The following PDE4A variants were observed in gnomAD, a reference collection of about 807,000 sequenced individuals.
The protein encoded by PDE4A is 3',5'-cyclic-AMP phosphodiesterase 4A.
PDE4A carries 21 observed loss-of-function variants against 73.9 expected under a neutral mutation model. The ratio of observed to expected loss-of-function variants is 0.28; its 90% CI spans 0.20 to 0.41. PDE4A has a LOEUF of 0.41. Ranked by LOEUF, PDE4A falls within the 10% of genes least tolerant of loss-of-function variation. The pLI is 1.00. For missense variants in PDE4A, 958 were observed against 1,211.4 expected (o/e 0.79, Z 3.10); for synonymous variants, 463 against 505.4 (o/e 0.92, Z 1.13).
rs200879608 is a variant in PDE4A at position 10,469,628 on chromosome 19, C to T, written c.*2007C>T. On this transcript the variant is annotated 3_prime_UTR_variant, in exon 15 of 15. Transcript: ENST00000380702. ...TCTCCAATTAAACCGAGGCTTTCAC[C>T]GATTTTCCTGGCTGATGTGGCTTCA... is the stretch of plus-strand genomic sequence containing the variant. 1 of 152,418 alleles carries T rather than the reference C, an allele frequency of 6.6e-6. No individual in the cohort carries two copies. Among genetic ancestry groups the T allele is most frequent in the East Asian group, 1.9e-4 (1 of 5,310 alleles). The allele number at this position is 152,418 out of a possible 1,614,324, so 9.4% of individuals were successfully genotyped here.
chr19:10,417,699 C>G, upstream of PDE4A: 1 of 1,595,480 alleles, frequency 6.3e-7, no homozygotes, highest in East Asian at 2.2e-5. Flanking sequence ...TGCCAACATG[C>G]TGGGGGCCGA....
chr19:10,418,114 C>T (rs113029536), upstream of PDE4A, among the ~76,000 whole-genome samples: 155 of 152,308 alleles, frequency 1.0e-3, 1 homozygote, highest in South Asian at 1.9e-3. Context: ...GGTGTCATGT[C>T]TCCAGCCCCC....
chr19:10,455,453 A>G (rs1016664936), intron 7 of PDE4A, among the ~76,000 whole-genome samples: 7 of 144,516 alleles, frequency 4.8e-5, no homozygotes, highest in African/African-American at 1.9e-4. Context: ...AACAAGAGTG[A>G]AACTCTTGTC....
chr19:10,459,822 T>C (rs2043233674), intron 10 of PDE4A, 63 bp downstream of exon 10: 2 of 1,524,164 alleles, frequency 1.3e-6, no homozygotes, highest in South Asian at 1.2e-5. Flanking sequence ...TTCAGCCTCC[T>C]GTGTGTCTCT....
chr19:10,442,419 G>A (rs1260061022), intron 1 of PDE4A, among the ~76,000 whole-genome samples: 1 of 152,136 alleles, frequency 6.6e-6, no homozygotes, highest in Non-Finnish European at 1.5e-5. Flanking sequence ...AGCTATCCGG[G>A]AGGCTGAGGC....
chr19:10,458,034 A>T lies in PDE4A; in HGVS notation c.1033A>T (p.Asn345Tyr). ...ITGLKKLMHS[N>Y]SLNNSNIPRF... ...AGGGTTGAAAAAGTTGATGCATAGT[A>T]ACAGCCTGAACAACTCTAACATTCC... Residue 345 changes from asparagine to tyrosine, a missense_variant, in exon 8 of 15, where the codon AAC becomes TAC. Physicochemically the swap from Asn to Tyr is moderately radical, Grantham distance 143. Transcript: ENST00000380702. This position sits in a 1 kb window ranked among gnomAD's most constrained non-coding sequence, Gnocchi z 4.6. 6.2e-7 allele frequency: 1 copy of T among 1,613,866 alleles called. No individual in the cohort carries two copies. The highest frequency in any genetic ancestry group is 8.5e-7 in the Non-Finnish European group (1 of 1,180,018).
chr19:10,451,021 C>A, intron 6 of PDE4A, 80 bp downstream of exon 6: 1 of 1,357,544 alleles, frequency 7.4e-7, no homozygotes, highest in Non-Finnish European at 1.0e-6. Flanking sequence ...CTGGATGGGA[C>A]CAGTGGGCGC....
At position 10,463,131 on chromosome 19, in the gene PDE4A, G is replaced by A. The variant is rs144986548; in HGVS notation, c.1744-662G>A. Among the ~76,000 whole-genome samples the A allele has an allele frequency of 8.1e-4, 117 of 144,584 alleles. 1 individual carries two copies. Among genetic ancestry groups the A allele is most frequent in the African/African-American group, 2.5e-3 (96 of 38,962 alleles). 94.9% of individuals were successfully genotyped at this position (144,584 alleles called of 152,430 possible). ...TTTTTTTTTGAGATCGGGTCTCTCT[G>A]TCACCCAGGCTAGAGGGCACGGATC... On this transcript the variant is annotated intron_variant, in intron 13 of 14. Transcript: ENST00000380702.
rs1191606905 is a variant in PDE4A, at chr19:10,453,010, C to T, written c.784-1819C>T. On this transcript the variant is annotated intron_variant, in intron 6 of 14. Transcript: ENST00000380702. This position sits in a 1 kb window ranked among gnomAD's most constrained non-coding sequence, Gnocchi z 4.6. The stretch of plus-strand genomic sequence containing the variant: ...CTGCCCCCCTCCCATGGGCACGGAC[C>T]CCCCACCGCCTCCACCCACTGCCGC... 6 of 1,306,304 alleles carry T rather than the reference C, an allele frequency of 4.6e-6. No homozygotes were observed. The East Asian group carries it at 2.0e-4, about 43-fold the overall frequency. 80.9% of individuals were successfully genotyped at this position (1,306,304 alleles called of 1,614,324 possible). A position where few individuals can be genotyped will look rare whatever the true frequency, so the allele number is the denominator to read the frequency against.
At chr19:10,423,992 G>A (rs1368264426) in intron 1 of PDE4A, among the ~76,000 whole-genome samples, 2 of 152,210 alleles carry the variant, frequency 1.3e-5, no homozygotes, top group Non-Finnish European at 2.9e-5. Context: ...TTTTACCAGG[G>A]CACATACAGG....
At chr19:10,456,549 A>C (rs1222531425) in intron 7 of PDE4A, among the ~76,000 whole-genome samples, 1 of 151,508 alleles carries the variant, frequency 6.6e-6, no homozygotes, top group Non-Finnish European at 1.5e-5. Context: ...ATAAATAAAT[A>C]AATAAATAGA....
chr19:10,420,700 G>A lies in PDE4A; in HGVS notation c.-65G>A, dbSNP rs2145438913. On this transcript the variant is annotated 5_prime_UTR_variant, in exon 1 of 15. Coordinates refer to ENST00000380702, the MANE Select transcript of PDE4A (RefSeq NM_001111307.2). The surrounding 1 kb of genome is among the most constrained non-coding windows in gnomAD (Gnocchi z 6.0). ...GGGCCCTGGGCTCGCTGGCTTGCGC[G>A]CAGCTGAGCGGGGTGTAGGTTGGAA... 6.5e-6 allele frequency: 9 copies of A among 1,395,148 alleles called. No individual in the cohort carries two copies. Among genetic ancestry groups the A allele is most frequent in the Non-Finnish European group, 8.3e-6 (9 of 1,085,222 alleles). The allele number at this position is 1,395,148 out of a possible 1,614,324, so 86.4% of individuals were successfully genotyped here.
Position 10,421,093 on chromosome 19 carries a change from C to T in PDE4A, c.320+9C>T, listed in dbSNP as rs1270591276. ...GGAGGCAGCAGCAGGCGGTAAGACT[C>T]CCCGCGGCGGATGCGCGCGGAACGG... On this transcript the variant is annotated intron_variant, in intron 1 of 14. Coordinates refer to ENST00000380702, the MANE Select transcript of PDE4A (RefSeq NM_001111307.2). 3 of 1,363,824 alleles carry T rather than the reference C, an allele frequency of 2.2e-6. No homozygotes were observed. Among genetic ancestry groups the T allele is most frequent in the Non-Finnish European group, 2.8e-6 (3 of 1,066,704 alleles). The allele number at this position is 1,363,824 out of a possible 1,614,324, so 84.5% of individuals were successfully genotyped here.
At position 10,461,079 on chromosome 19, in the gene PDE4A, T is replaced by G. The variant is rs1427216970; in HGVS notation, c.1441T>G (p.Ser481Ala). 6.2e-7 allele frequency: 1 copy of G among 1,613,032 alleles called. No individual in the cohort carries two copies. Among genetic ancestry groups the G allele is most frequent in the Admixed American group, 1.7e-5 (1 of 59,964 alleles). Residue 481 changes from serine (S) to alanine (A), a missense_variant, in exon 11 of 15, where the codon TCC (serine) becomes GCC (alanine). By Grantham distance (99) the Ser-to-Ala change is moderately conservative. This residue lies in a region of PDE4A where 570 missense variants were observed against 827.7 expected (regional missense o/e 0.69). Transcript: ENST00000380702. ...AIHDVDHPGVSNQFLINTNSE... is the reference protein window; with the variant it reads ...AIHDVDHPGVANQFLINTNSE... ...CCACGATGTGGATCACCCTGGGGTC[T>G]CCAACCAGTTCCTCATCAACACCAG...
In PDE4A at chr19:10,445,544, G is replaced by C. The variant is rs554802073; in HGVS notation, c.321-674G>C. On this transcript the variant is annotated intron_variant, in intron 1 of 14. Transcript: ENST00000380702. The stretch of plus-strand genomic sequence containing the variant: ...GCACTTTGGGAGGCCAAAGAGGGAG[G>C]ATCACATGAGGCCAGGTGTTTGAGA... 3.3e-5 allele frequency among the ~76,000 whole-genome samples: 5 copies of C among 152,210 alleles called. 1 individual carries two copies. Among genetic ancestry groups the C allele is most frequent in the South Asian group, 2.1e-4 (1 of 4,818 alleles).
rs758300846 is a variant in PDE4A, at chr19:10,450,831, G to C, written c.673G>C (p.Glu225Gln). The part of the protein sequence containing the change: ...TPVCKATLSE[E>Q]TCQQLARETL... The stretch of plus-strand genomic sequence containing the variant: ...TACCCTGGCTGCCCCTTCCTTAGAA[G>C]AAACGTGTCAGCAGTTGGCCCGGGA... The change falls in exon 6 of 15, where the codon GAA becomes CAA. Residue 225 changes from glutamate to glutamine, a missense_variant and splice_region_variant. Glu to Gln is a conservative substitution (Grantham distance 29). Transcript: ENST00000380702. 2 of 1,608,106 alleles carry C rather than the reference G, an allele frequency of 1.2e-6. No homozygotes were observed. Among genetic ancestry groups the C allele is most frequent in the Non-Finnish European group, 1.7e-6 (2 of 1,177,402 alleles).
intron 1 of PDE4A, among the ~76,000 whole-genome samples, chr19:10,439,799 C>T (rs1178804516): frequency 6.6e-6 from 1 of 151,914 alleles, no homozygotes; most frequent in Non-Finnish European, 1.5e-5. Context: ...GGGAGAGCAA[C>T]TGGGAAACAG....
intron 1 of PDE4A, among the ~76,000 whole-genome samples, chr19:10,427,255 G>A (rs192801493): frequency 1.2e-4 from 18 of 152,262 alleles, no homozygotes; most frequent in African/African-American, 4.1e-4. Context: ...AGCCAAGACC[G>A]TGCCAGTGCA....
intron 5 of PDE4A, 30 bp from the exon 6 acceptor site, chr19:10,450,799 C>G: frequency 6.3e-7 from 1 of 1,588,210 alleles, no homozygotes; most frequent in Non-Finnish European, 8.6e-7. Flanking sequence ...CAGACCTTCT[C>G]AGTCACTACC....
Sources: allele counts gnomAD v4.1 joint callset (sites outside exome capture counted in the v4.1 genomes callset), GRCh38; gene constraint gnomAD v4.1.1; regional missense constraint gnomAD v4.1.1; non-coding constraint Gnocchi (gnomAD v3.1); transcripts MANE v1.5; gene names NCBI Gene and HGNC (gene_info 2026-07-23, HGNC 2026-07-21).